AFF3: variants seen among roughly 807,000 people sequenced by gnomAD.
The protein encoded by AFF3 is AF4/FMR2 family member 3.
A neutral mutation model predicts 129.7 loss-of-function variants in AFF3; 32 were observed. That is an observed-to-expected ratio of 0.25 (90% CI 0.19 to 0.33). The LOEUF (loss-of-function observed/expected upper bound fraction) is 0.33, where lower values mean the gene tolerates loss of function less well. AFF3 is among the 10% of genes least tolerant of loss of function. The probability of loss-of-function intolerance (pLI) is 1.00; values close to 1 mark genes in which losing one functional copy is unlikely to be tolerated. For missense variants in AFF3, 1,373 were observed against 1,592.0 expected, an observed-to-expected ratio of 0.86 and a Z score of 2.34; for synonymous variants, 644 against 635.4, an observed-to-expected ratio of 1.01 and a Z score of -0.20.
At chr2:99,934,849 A>G (rs1314643464) in intron 7 of AFF3, among the ~76,000 whole-genome samples, 1 of 152,212 alleles carries the variant, frequency 6.6e-6, no homozygotes, top group East Asian at 1.9e-4. Context: ...CTCTCCTGCC[A>G]TGCAGAAAAC....
intron 4 of AFF3, among the ~76,000 whole-genome samples, chr2:100,046,037 C>G (rs567846647): frequency 2.0e-3 from 302 of 152,290 alleles, no homozygotes; most frequent in African/African-American, 6.9e-3. Context: ...GGGTCAACAG[C>G]ACACACTCCT....
At chr2:100,016,498 T>A (rs1683090492) in intron 4 of AFF3, among the ~76,000 whole-genome samples, 2 of 149,346 alleles carry the variant, frequency 1.3e-5, no homozygotes, top group African/African-American at 5.1e-5. Context: ...GTGGTGATGG[T>A]ACTGGTGGTG....
intron 8 of AFF3, among the ~76,000 whole-genome samples, chr2:99,804,985 T>C (rs1375013543): frequency 1.3e-5 from 2 of 152,152 alleles, no homozygotes; most frequent in African/African-American, 4.8e-5. Context: ...GGGTACAATA[T>C]ACACTACTTG....
intron 8 of AFF3, among the ~76,000 whole-genome samples, chr2:99,753,284 G>C (rs1048293552): frequency 6.5e-5 from 5 of 76,864 alleles, no homozygotes; most frequent in African/African-American, 1.7e-4. Context: ...ATTTTCAGTA[G>C]AGATGGGGTT....
At chr2:99,830,394 A>G (rs574955855) in intron 8 of AFF3, among the ~76,000 whole-genome samples, 3 of 152,244 alleles carry the variant, frequency 2.0e-5, no homozygotes, top group Non-Finnish European at 4.4e-5. Flanking sequence ...GGTGGTTTCC[A>G]TCAAAGAATA....
At chr2:100,052,856 C>A (rs965136598) in intron 4 of AFF3, among the ~76,000 whole-genome samples, 1 of 152,192 alleles carries the variant, frequency 6.6e-6, no homozygotes, top group Non-Finnish European at 1.5e-5. Context: ...TTCCCCAGTA[C>A]GAGCTTGAGC....
At chr2:99,880,006 A>G (rs556231345) in intron 7 of AFF3, among the ~76,000 whole-genome samples, 1 of 152,368 alleles carries the variant, frequency 6.6e-6, no homozygotes, top group Non-Finnish European at 1.5e-5. Context: ...ATTGCTAATG[A>G]AGCCAGACCA....
intron 7 of AFF3, among the ~76,000 whole-genome samples, chr2:99,979,079 G>GT (rs775741530): frequency 1.5e-5 from 2 of 133,388 alleles, no homozygotes; most frequent in Non-Finnish European, 3.5e-5. Flanking sequence ...AGATCTGGAA[G>GT]TATATAAATA....
intron 9 of AFF3, among the ~76,000 whole-genome samples, chr2:99,749,786 C>T (rs1681478265): frequency 6.6e-6 from 1 of 152,176 alleles, no homozygotes; most frequent in Admixed American, 6.5e-5. Context: ...ACTGAAAAAG[C>T]TTCTTGACCT....
chr2:99,587,579 A>C (rs1678252315), intron 15 of AFF3, among the ~76,000 whole-genome samples: 1 of 152,182 alleles, frequency 6.6e-6, no homozygotes, highest in South Asian at 2.1e-4. Context: ...TTAGCCCTCC[A>C]ACTGGTCTGA....
intron 1 of AFF3, among the ~76,000 whole-genome samples, chr2:100,129,524 A>G (rs1692335293): frequency 6.6e-6 from 1 of 152,088 alleles, no homozygotes; most frequent in African/African-American, 2.4e-5. Flanking sequence ...TGTTACATGC[A>G]TGCTTTTTTA....
chr2:99,942,035 C>T (rs1675093705), intron 7 of AFF3, among the ~76,000 whole-genome samples: 1 of 152,188 alleles, frequency 6.6e-6, no homozygotes, highest in Non-Finnish European at 1.5e-5. Flanking sequence ...TGTAAGCAGC[C>T]TGCTGAGATC....
intron 19 of AFF3, among the ~76,000 whole-genome samples, chr2:99,566,033 C>A (rs1389401420): frequency 6.6e-6 from 1 of 152,166 alleles, no homozygotes; most frequent in Non-Finnish European, 1.5e-5. Context: ...TGGTACATCC[C>A]CAACTTGGAT....
chr2:99,741,417 C>T (rs1680710468), intron 10 of AFF3, among the ~76,000 whole-genome samples: 2 of 152,234 alleles, frequency 1.3e-5, no homozygotes, highest in South Asian at 4.2e-4. Context: ...CATTCTTATA[C>T]ACCAACAACA....
At chr2:100,130,483 C>T (rs1692382606) in intron 1 of AFF3, among the ~76,000 whole-genome samples, 1 of 152,240 alleles carries the variant, frequency 6.6e-6, no homozygotes, top group Admixed American at 6.5e-5. Context: ...ATTTCCCTTT[C>T]TCTGAGCAAG....
chr2:99,655,213 TACACACACACACACACACAC>T (rs59646108), intron 12 of AFF3, among the ~76,000 whole-genome samples: 45 of 130,360 alleles, frequency 3.5e-4, no homozygotes, highest in East Asian at 1.6e-3. Context: ...CATGAAAAGC[TACACACACACACACACACAC>T]ACACACACAC....
At chr2:100,063,475 T>C (rs1401910547) in intron 4 of AFF3, among the ~76,000 whole-genome samples, 1 of 151,998 alleles carries the variant, frequency 6.6e-6, no homozygotes, top group Non-Finnish European at 1.5e-5. Context: ...AAATAAAAAC[T>C]ATGATTATTG....
intron 11 of AFF3, among the ~76,000 whole-genome samples, chr2:99,712,220 G>A (rs1677961385): frequency 6.6e-6 from 1 of 152,164 alleles, no homozygotes; most frequent in Non-Finnish European, 1.5e-5. Flanking sequence ...GGTCCTACTG[G>A]AATGCTCTTG....
chr2:100,032,703 G>A (rs62149321), intron 4 of AFF3, among the ~76,000 whole-genome samples: 15,301 of 152,012 alleles, frequency 0.1, 1,082 homozygotes, highest in Non-Finnish European at 0.15. Flanking sequence ...ACTGCTCCGC[G>A]GTGCCAATTT....
Sources: gnomAD v4.1 joint callset for allele counts (sites outside exome capture counted in the v4.1 genomes callset) on GRCh38, gnomAD v4.1.1 for gene constraint, MANE v1.5 for transcripts, NCBI Gene and HGNC (gene_info 2026-07-23, HGNC 2026-07-21) for gene names.